The following LAMC1 variants were observed in gnomAD, a reference collection of about 807,000 sequenced individuals.
The protein encoded by LAMC1 is laminin subunit gamma-1.
A neutral mutation model predicts 173.6 loss-of-function variants in LAMC1; 38 were observed. The ratio of observed to expected loss-of-function variants is 0.22; its 90% CI spans 0.17 to 0.29. The LOEUF (loss-of-function observed/expected upper bound fraction) is 0.29, where lower values mean the gene tolerates loss of function less well. LAMC1 is among the 10% of genes least tolerant of loss of function. The probability of loss-of-function intolerance (pLI) is 1.00; values close to 1 mark genes in which losing one functional copy is unlikely to be tolerated. For synonymous variants in LAMC1, 746 were observed against 749.1 expected, an observed-to-expected ratio of 1.00 and a Z score of 0.07; for missense variants, 1,824 against 2,051.8, an observed-to-expected ratio of 0.89 and a Z score of 2.14.
intron 6 of LAMC1, 70 bp from the exon 7 acceptor site, chr1:183,116,507 C>A: frequency 8.4e-6 from 9 of 1,074,768 alleles, no homozygotes; most frequent in South Asian, 1.5e-5. Flanking sequence ...ACATGTAAAA[C>A]AAAGGGCTGA....
At chr1:183,026,294 T>C (rs1299226709) in intron 1 of LAMC1, among the ~76,000 whole-genome samples, 1 of 152,196 alleles carries the variant, frequency 6.6e-6, no homozygotes, top group Admixed American at 6.5e-5. Context: ...ACTAGGATAC[T>C]TGACTTGTTC....
At chr1:183,126,861 A>G (rs551824230) in intron 16 of LAMC1, among the ~76,000 whole-genome samples, 1 of 152,390 alleles carries the variant, frequency 6.6e-6, no homozygotes, top group South Asian at 2.1e-4. Flanking sequence ...CAAAAGAAGC[A>G]TTAGCATTTG....
chr1:183,133,695 C>A, intron 22 of LAMC1, 145 bp downstream of exon 22: 4 of 754,756 alleles, frequency 5.3e-6, no homozygotes, highest in Non-Finnish European at 5.8e-6. Context: ...TAGAACTTAC[C>A]AAGGTAGCCA....
At position 183,127,132 on chromosome 1, in the gene LAMC1, C is replaced by G. The variant is rs1656641356; in HGVS notation, c.2945-94C>G. The G allele has an allele frequency of 5.1e-6, 6 of 1,173,706 alleles. No homozygotes were observed. The Admixed American group carries it at 1.3e-4, about 26-fold the overall frequency. The allele number at this position is 1,173,706 out of a possible 1,614,324, so 72.7% of individuals were successfully genotyped here. A position where few individuals can be genotyped will look rare whatever the true frequency, so the allele number is the denominator to read the frequency against. ...TTCAAAAAAATTATGACAGTATAGTCAGCTTATAGTCAGCTTATTGTTATC... is the reference window on the plus strand; with the variant it reads ...TTCAAAAAAATTATGACAGTATAGTGAGCTTATAGTCAGCTTATTGTTATC... On this transcript the variant is annotated intron_variant, in intron 16 of 27. Transcript: ENST00000258341.
At chr1:183,115,402 G>T in intron 5 of LAMC1, 118 bp from the exon 6 acceptor site, 1 of 717,378 alleles carries the variant, frequency 1.4e-6, no homozygotes, top group South Asian at 1.7e-5. Context: ...ACCATCAGGA[G>T]ATTGCATACT....
chr1:183,046,725 A>G (rs965766871), intron 1 of LAMC1, among the ~76,000 whole-genome samples: 1 of 152,110 alleles, frequency 6.6e-6, no homozygotes, highest in African/African-American at 2.4e-5. Context: ...GTTTATATGT[A>G]GGTAGTCATC....
At chr1:183,139,248 C>G (rs1449015004) in intron 26 of LAMC1, among the ~76,000 whole-genome samples, 1 of 152,150 alleles carries the variant, frequency 6.6e-6, no homozygotes, top group African/African-American at 2.4e-5. Context: ...TAAATAACTT[C>G]TAAGGAAACA....
chr1:183,121,148 G>A (rs1212628932), intron 11 of LAMC1, among the ~76,000 whole-genome samples: 1 of 152,168 alleles, frequency 6.6e-6, no homozygotes, highest in African/African-American at 2.4e-5. Flanking sequence ...GCCGGGCATG[G>A]TGGCTCAAGC....
chr1:183,124,801 G>T lies in LAMC1; in HGVS notation c.2572G>T (p.Gly858Cys), dbSNP rs1656576425. Residue 858 changes from glycine (G) to cysteine (C), a missense_variant, in exon 14 of 28, where the codon GGC becomes TGC. Physicochemically the swap from Gly to Cys is radical, Grantham distance 159. Coordinates refer to ENST00000258341, the MANE Select transcript of LAMC1 (RefSeq NM_002293.4). ...CCTGAAGTGCATCTATAACACTGCT[G>T]GCTTCTATTGTGACCGGTGCAAAGA... ...ECLKCIYNTA[G>C]FYCDRCKDGF... The T allele has an allele frequency of 6.2e-7, 1 of 1,614,050 alleles. No homozygotes were observed. The highest frequency in any genetic ancestry group is 8.5e-7 in the Non-Finnish European group (1 of 1,180,034).
intron 1 of LAMC1, among the ~76,000 whole-genome samples, chr1:183,084,068 T>G (rs2102053043): frequency 6.6e-6 from 1 of 152,318 alleles, no homozygotes; most frequent in South Asian, 2.1e-4. Flanking sequence ...AAAAAGCATA[T>G]TATTGGCTGG....
At chr1:183,028,163 C>CA (rs546592882) in intron 1 of LAMC1, among the ~76,000 whole-genome samples, 1 of 151,404 alleles carries the variant, frequency 6.6e-6, no homozygotes, top group Admixed American at 6.6e-5. Context: ...TCCCCCCCCC[C>CA]ACCTCTTCCA....
intron 1 of LAMC1, among the ~76,000 whole-genome samples, chr1:183,027,209 C>T (rs4642854): frequency 0.11 from 17,244 of 152,034 alleles, 1,122 homozygotes; most frequent in Admixed American, 0.2. Context: ...AGTGCATCCT[C>T]GGATAAAAAG....
At chr1:183,124,593 G>A in intron 13 of LAMC1, 38 bp from the exon 14 acceptor site, 1 of 1,612,540 alleles carries the variant, frequency 6.2e-7, no homozygotes, top group Non-Finnish European at 8.5e-7. Flanking sequence ...AAATGTCTAA[G>A]GCCTTTCTTT....
At chr1:183,045,141 T>C (rs535302357) in intron 1 of LAMC1, among the ~76,000 whole-genome samples, 1 of 152,036 alleles carries the variant, frequency 6.6e-6, no homozygotes, top group African/African-American at 2.4e-5. Flanking sequence ...TTTTGGCTTT[T>C]TTTGTTTTAA....
At chr1:183,075,503 A>T (rs1655103115) in intron 1 of LAMC1, among the ~76,000 whole-genome samples, 3 of 152,228 alleles carry the variant, frequency 2.0e-5, no homozygotes, top group Admixed American at 2.0e-4. Context: ...GCATGCTAGT[A>T]GTAAAATATT....
chr1:183,043,832 C>T (rs1654200672), intron 1 of LAMC1, among the ~76,000 whole-genome samples: 2 of 152,084 alleles, frequency 1.3e-5, no homozygotes, highest in African/African-American at 2.4e-5. Context: ...ACATTACTAC[C>T]ATGCATAGTT....
intron 1 of LAMC1, among the ~76,000 whole-genome samples, chr1:183,033,655 A>C (rs867272531): frequency 6.6e-6 from 1 of 152,164 alleles, no homozygotes; most frequent in Non-Finnish European, 1.5e-5. Flanking sequence ...TTTAGAAATA[A>C]AAAGTCTGAA....
intron 14 of LAMC1, 113 bp from the exon 15 acceptor site, chr1:183,125,284 C>CT (rs386368938): frequency 2.8e-5 from 28 of 1,017,922 alleles, no homozygotes; most frequent in Non-Finnish European, 3.8e-5. Context: ...CCACATGTGA[C>CT]AGCAGCTACC....
At chr1:183,055,584 C>T (rs145511374) in intron 1 of LAMC1, among the ~76,000 whole-genome samples, 14 of 151,762 alleles carry the variant, frequency 9.2e-5, no homozygotes, top group African/African-American at 2.7e-4. Context: ...GAGGCCAAGG[C>T]GGGCAGATCA....
Sources: allele counts gnomAD v4.1 joint callset (sites outside exome capture counted in the v4.1 genomes callset), GRCh38; gene constraint gnomAD v4.1.1; transcripts MANE v1.5; gene names NCBI Gene and HGNC (gene_info 2026-07-23, HGNC 2026-07-21).